Variants in CDC14B observed in about 807,000 individuals in gnomAD.
CDC14B encodes the protein dual specificity protein phosphatase CDC14B.
Under a neutral mutation model 64.2 loss-of-function variants are expected in CDC14B, and 22 were observed. The ratio of observed to expected loss-of-function variants is 0.34; its 90% CI spans 0.24 to 0.49. The LOEUF (loss-of-function observed/expected upper bound fraction) is 0.49, where lower values mean the gene tolerates loss of function less well. Among genes scored for constraint, CDC14B ranks in the 20% least tolerant of loss-of-function variants. The pLI is 0.99. For missense variants in CDC14B, 498 were observed against 629.9 expected, an observed-to-expected ratio of 0.79 and a Z score of 2.24; for synonymous variants, 191 against 215.8, an observed-to-expected ratio of 0.89 and a Z score of 1.01.
At chr9:96,505,184 T>TAAA (rs751327969) in intron 13 of CDC14B, among the ~76,000 whole-genome samples, 1 of 137,310 alleles carries the variant, frequency 7.3e-6, no homozygotes, top group Non-Finnish European at 1.6e-5. Context: ...CTGTCTCATT[T>TAAA]AAAAAAAAAA....
chr9:96,527,561 C>T (rs183254908), intron 9 of CDC14B, among the ~76,000 whole-genome samples: 3 of 152,224 alleles, frequency 2.0e-5, no homozygotes, highest in African/African-American at 4.8e-5. Context: ...ATCTTCAGAA[C>T]GTATTTCATC....
intron 1 of CDC14B, among the ~76,000 whole-genome samples, chr9:96,591,593 G>T (rs1038262718): frequency 1.3e-5 from 2 of 151,840 alleles, no homozygotes; most frequent in African/African-American, 4.8e-5. Flanking sequence ...TAAATTTTAG[G>T]ATTATTTTTC....
At chr9:96,578,950 T>C (rs1844971088) in intron 1 of CDC14B, among the ~76,000 whole-genome samples, 1 of 152,154 alleles carries the variant, frequency 6.6e-6, no homozygotes, top group Admixed American at 6.5e-5. Context: ...CCCAAGTAGC[T>C]GGGATTACAG....
intron 1 of CDC14B, among the ~76,000 whole-genome samples, chr9:96,601,237 A>G (rs146841222): frequency 1.3e-3 from 200 of 152,198 alleles, no homozygotes; most frequent in African/African-American, 3.8e-3. Context: ...GGTGGCTCAC[A>G]CCTGTAATCC....
At chr9:96,590,155 C>G (rs559783710) in intron 1 of CDC14B, among the ~76,000 whole-genome samples, 4 of 152,196 alleles carry the variant, frequency 2.6e-5, no homozygotes, top group African/African-American at 9.6e-5. Context: ...TCCCTATCCC[C>G]CAAAGGTCCT....
rs185400555 is a variant in CDC14B, at chr9:96,513,841, C to G, written c.1344-4052G>C. Among the ~76,000 whole-genome samples, 21 of 152,292 alleles carry G rather than the reference C, an allele frequency of 1.4e-4. 1 individual carries two copies. The East Asian group carries it at 3.3e-3, about 24-fold the overall frequency. On this transcript the variant is annotated intron_variant, in intron 12 of 13. Coordinates refer to ENST00000375241, the MANE Select transcript of CDC14B (RefSeq NM_033331.4). The stretch of plus-strand genomic sequence containing the variant: ...TGAAGTGTTGTTATGGCCTAATTCT[C>G]CAGGCATGCTGCATAACAGGAGCTT...
intron 1 of CDC14B, among the ~76,000 whole-genome samples, chr9:96,604,207 A>G (rs1304418143): frequency 1.3e-5 from 2 of 152,166 alleles, no homozygotes; most frequent in African/African-American, 4.8e-5. Flanking sequence ...CACAACTGTT[A>G]GTCAAACTTC....
chr9:96,618,260 C>CA (rs1847762299), intron 1 of CDC14B, among the ~76,000 whole-genome samples: 1 of 152,158 alleles, frequency 6.6e-6, no homozygotes, highest in Admixed American at 6.6e-5. Flanking sequence ...TTAATAACGC[C>CA]ACGCACCGAG....
rs1375762969 is a variant in CDC14B, at chr9:96,539,103, T to C, written c.602A>G (p.Asn201Ser). The change falls in exon 7 of 14, where the codon AAC (asparagine) becomes AGC (serine). Residue 201 changes from asparagine (N) to serine (S), a missense_variant. Transcript: ENST00000375241. ...TTCATAGTGTTCATATTCATCAAGG[T>C]TAAATGAGTTGAAATTAAGGAAGCC... ...QYGFLNFNSF[N>S]LDEYEHYEKA... The C allele has an allele frequency of 6.2e-7, 1 of 1,610,424 alleles. No homozygotes were observed. The highest frequency in any genetic ancestry group is 2.2e-5 in the East Asian group (1 of 44,852).
intron 12 of CDC14B, among the ~76,000 whole-genome samples, chr9:96,517,672 A>G (rs1360826155): frequency 3.5e-5 from 5 of 143,852 alleles, no homozygotes; most frequent in Non-Finnish European, 7.6e-5. Context: ...AAAGAAGAAG[A>G]AAGAAAGAAA....
At chr9:96,592,466 G>A (rs1403754538) in intron 1 of CDC14B, among the ~76,000 whole-genome samples, 1 of 152,178 alleles carries the variant, frequency 6.6e-6, no homozygotes, top group Non-Finnish European at 1.5e-5. Flanking sequence ...CATCAGTTTT[G>A]TAACTTATTC....
chr9:96,560,926 T>C (rs1404676697), intron 4 of CDC14B, among the ~76,000 whole-genome samples: 1 of 151,956 alleles, frequency 6.6e-6, no homozygotes, highest in African/African-American at 2.4e-5. Flanking sequence ...ATTTTGAAGT[T>C]TTCTCAGAAA....
chr9:96,553,360 C>CTTTTTTT (rs113951578), intron 4 of CDC14B, among the ~76,000 whole-genome samples: 1 of 138,596 alleles, frequency 7.2e-6, no homozygotes, highest in Non-Finnish European at 1.6e-5. Flanking sequence ...CTTTTCTTTT[C>CTTTTTTT]TTTTTTTTTT....
In CDC14B at chr9:96,494,923, C is replaced by A. The variant is rs191982808; in HGVS notation, c.*80+1284G>T. On this transcript the variant is annotated intron_variant and NMD_transcript_variant, in intron 13 of 13. Coordinates refer to the CDC14B transcript ENST00000474602. ...GATCTCGGCTCACTGCAAGCTCTGT[C>A]TCCCGGGTTCATGCCATTCTCCTGC... Among the ~76,000 whole-genome samples the A allele has an allele frequency of 7.1e-3, 1,074 of 151,186 alleles. 5 individuals are homozygous for A. Among genetic ancestry groups the A allele is most frequent in the Non-Finnish European group, 0.012 (812 of 67,854 alleles).
intron 1 of CDC14B, among the ~76,000 whole-genome samples, chr9:96,588,743 G>A (rs905955721): frequency 3.9e-5 from 6 of 151,974 alleles, no homozygotes; most frequent in African/African-American, 1.5e-4. Flanking sequence ...CAAAATGTTG[G>A]GATTACAGAC....
At chr9:96,616,656 A>G (rs1486557357) in intron 1 of CDC14B, among the ~76,000 whole-genome samples, 4 of 151,946 alleles carry the variant, frequency 2.6e-5, no homozygotes, top group South Asian at 2.1e-4. Flanking sequence ...CCCGGGAGGC[A>G]GAGGTTGCAG....
intron 5 of CDC14B, 69 bp from the exon 6 acceptor site, chr9:96,541,961 T>C: frequency 9.6e-7 from 1 of 1,038,586 alleles, no homozygotes; most frequent in Non-Finnish European, 1.4e-6. Flanking sequence ...AAGACAAAGG[T>C]GACTAGAATT....
At chr9:96,517,971 C>T (rs1836003176) in intron 12 of CDC14B, among the ~76,000 whole-genome samples, 1 of 151,994 alleles carries the variant, frequency 6.6e-6, no homozygotes, top group Admixed American at 6.5e-5. Flanking sequence ...TGTGTCCAGC[C>T]TCAGCTTGGT....
chr9:96,524,769 G>C (rs10991513), intron 9 of CDC14B, among the ~76,000 whole-genome samples: 2 of 152,126 alleles, frequency 1.3e-5, no homozygotes, highest in African/African-American at 4.8e-5. Context: ...CATGTTTCCA[G>C]GCTGCTGGCC....
Sources: allele counts gnomAD v4.1 joint callset (sites outside exome capture counted in the v4.1 genomes callset), GRCh38; gene constraint gnomAD v4.1.1; transcripts MANE v1.5; gene names NCBI Gene and HGNC (gene_info 2026-07-23, HGNC 2026-07-21).